Variants in BEND3 observed in about 807,000 individuals in gnomAD.
BEND3 encodes the protein BEN domain containing 3.
In BEND3, 13 loss-of-function variants were observed where a neutral mutation model predicts 60.1. The ratio of observed to expected loss-of-function variants is 0.22; its 90% CI spans 0.14 to 0.34. BEND3 has a LOEUF of 0.34. Ranked by LOEUF, BEND3 falls within the 10% of genes least tolerant of loss-of-function variation. The pLI is 1.00. For synonymous variants in BEND3, 497 were observed against 491.5 expected (o/e 1.01, Z -0.15); for missense variants, 896 against 1,138.1 (o/e 0.79, Z 3.06).
intron 3 of BEND3, among the ~76,000 whole-genome samples, chr6:107,080,389 AAAAAGAAAAAAAGAAAAG>A (rs1775206783): frequency 1.4e-5 from 2 of 147,296 alleles, no homozygotes; most frequent in South Asian, 4.2e-4. Flanking sequence ...AAAAAACAGG[AAAAAGAAAAAAAGAAAAG>A]AAAAGAAAAA....
Position 107,069,553 on chromosome 6 carries a change from G to A in BEND3, c.1638C>T (p.Phe546=), listed in dbSNP as rs781914163. 128 of 1,613,084 alleles carry A rather than the reference G, an allele frequency of 7.9e-5. No homozygotes were observed. Among genetic ancestry groups the A allele is most frequent in the Middle Eastern group, 3.3e-4 (2 of 6,084 alleles). Reference sequence around the variant, plus strand: ...GCAGGCAGTCGGCACCGGGCACCTCGAAGTCAGGCTGGGGGATCTCTAACT... The same window carrying A: ...GCAGGCAGTCGGCACCGGGCACCTCAAAGTCAGGCTGGGGGATCTCTAACT... The part of the protein sequence containing the change: ...FDKLEIPQPD[F]EVPGADCLLS... The change falls in exon 4 of 4, where the codon TTC becomes TTT. Residue 546 remains phenylalanine (F), a synonymous_variant. Transcript: ENST00000369042.
chr6:107,097,720 G>A (rs1348831072), intron 3 of BEND3, among the ~76,000 whole-genome samples: 1 of 142,498 alleles, frequency 7.0e-6, no homozygotes, highest in Non-Finnish European at 1.5e-5. Flanking sequence ...AACCTAGGAG[G>A]CAGAGGTTGC....
intron 1 of BEND3, among the ~76,000 whole-genome samples, chr6:107,101,799 C>A (rs1327820109): frequency 6.6e-6 from 1 of 152,156 alleles, no homozygotes; most frequent in African/African-American, 2.4e-5. Context: ...GGATTCCCAG[C>A]CTGGTAGGAG....
chr6:107,092,254 C>CA (rs34817923), intron 3 of BEND3, among the ~76,000 whole-genome samples: 13,501 of 140,116 alleles, frequency 0.096, 744 homozygotes, highest in Middle Eastern at 0.21. Flanking sequence ...GACTCTGTCT[C>CA]AAAAAAAAAA....
In BEND3 at chr6:107,069,654, C is replaced by T; in HGVS notation, c.1537G>A (p.Val513Met). The T allele has an allele frequency of 6.2e-7, 1 of 1,610,154 alleles. No homozygotes were observed. The highest frequency in any genetic ancestry group is 8.5e-7 in the Non-Finnish European group (1 of 1,180,014). Residue 513 changes from valine to methionine, a missense_variant, in exon 4 of 4, where the codon GTG (valine) becomes ATG (methionine). By Grantham distance (21) the Val-to-Met change is conservative. Around this residue, in one of 4 missense-constraint regions of BEND3, gnomAD observed 846 missense variants for 1,036.7 expected, o/e 0.82. Coordinates refer to ENST00000369042, the MANE Select transcript of BEND3 (RefSeq NM_001367314.1). ...CGCTCGCCCTCGAAGCTGTCCTCCACCTTGACCACTGAGATGTCGTCGGGC... is the reference window on the plus strand; with the variant it reads ...CGCTCGCCCTCGAAGCTGTCCTCCATCTTGACCACTGAGATGTCGTCGGGC... The part of the protein sequence containing the change: ...SLPDDISVVK[V>M]EDSFEGERPG...
At chr6:107,076,646 T>C (rs1412589614) in intron 3 of BEND3, among the ~76,000 whole-genome samples, 1 of 152,038 alleles carries the variant, frequency 6.6e-6, no homozygotes, top group African/African-American at 2.4e-5. Flanking sequence ...TTTAGTTCAA[T>C]GAATGAGTGG....
chr6:107,065,878 C>T lies in BEND3; in HGVS notation c.*2826G>A, dbSNP rs1253615187. ...GCACGCTAGCGCAAATGACACCAGA[C>T]ACGACTTTATTCCCTGTCAAACATT... On this transcript the variant is annotated 3_prime_UTR_variant, in exon 4 of 4. Coordinates refer to ENST00000369042, the MANE Select transcript of BEND3 (RefSeq NM_001367314.1). 10 of 152,322 alleles carry T rather than the reference C, an allele frequency of 6.6e-5. No individual in the cohort carries two copies. The highest frequency in any genetic ancestry group is 2.4e-4 in the African/African-American group (10 of 41,442). 9.4% of individuals were successfully genotyped at this position (152,322 alleles called of 1,614,324 possible). A position where few individuals can be genotyped will look rare whatever the true frequency, so the allele number is the denominator to read the frequency against.
intron 1 of BEND3, among the ~76,000 whole-genome samples, chr6:107,106,354 C>G (rs1370627206): frequency 6.6e-6 from 1 of 152,172 alleles, no homozygotes; most frequent in Non-Finnish European, 1.5e-5. Flanking sequence ...TCAGGAGACT[C>G]CCGGCATGAG....
intron 1 of BEND3, among the ~76,000 whole-genome samples, chr6:107,108,270 C>A (rs1465508465): frequency 6.6e-6 from 1 of 152,180 alleles, no homozygotes; most frequent in African/African-American, 2.4e-5. Flanking sequence ...TGGTCACTTG[C>A]GTCTTCTGAG....
At chr6:107,108,250 T>C (rs1554237816) in intron 1 of BEND3, among the ~76,000 whole-genome samples, 1 of 152,150 alleles carries the variant, frequency 6.6e-6, no homozygotes, top group East Asian at 1.9e-4. Context: ...TGATTTGGCG[T>C]CTTAATCTTT....
At chr6:107,110,821 C>T (rs1263462526) in intron 1 of BEND3, among the ~76,000 whole-genome samples, 5 of 151,572 alleles carry the variant, frequency 3.3e-5, no homozygotes, top group African/African-American at 1.2e-4. Flanking sequence ...TCCCAAAATG[C>T]TGGGACTACA....
chr6:107,111,484 C>G (rs1319433794), intron 1 of BEND3, among the ~76,000 whole-genome samples: 1 of 149,982 alleles, frequency 6.7e-6, no homozygotes, highest in African/African-American at 2.5e-5. Flanking sequence ...GCATTCTAGC[C>G]TGGGTGACAG....
rs370245100 is a variant in BEND3 at position 107,069,472 on chromosome 6, G to C, written c.1719C>G (p.Phe573Leu). The part of the protein sequence containing the change: ...IYESSLSIGN[F>L]ASRLLVHLFP... ...ACAGGTGCACCAGCAGGCGCGAGGCGAAGTTGCCGATGGACAGGCTGCTCT... is the reference window on the plus strand; with the variant it reads ...ACAGGTGCACCAGCAGGCGCGAGGCCAAGTTGCCGATGGACAGGCTGCTCT... Residue 573 changes from phenylalanine to leucine, a missense_variant, in exon 4 of 4, where the codon TTC becomes TTG. Coordinates refer to ENST00000369042, the MANE Select transcript of BEND3 (RefSeq NM_001367314.1). The C allele has an allele frequency of 1.2e-6, 2 of 1,612,680 alleles. No homozygotes were observed. Among genetic ancestry groups the C allele is most frequent in the South Asian group, 2.2e-5 (2 of 91,072 alleles).
rs72935777 is a variant in BEND3 at position 107,102,283 on chromosome 6, G to A, written c.-11-2987C>T. 1.1e-3 allele frequency among the ~76,000 whole-genome samples: 170 copies of A among 152,302 alleles called. 1 individual carries two copies. Among genetic ancestry groups the A allele is most frequent in the Admixed American group, 1.9e-3 (29 of 15,298 alleles). Reference sequence around the variant, plus strand: ...TCCAGGCTGCCACATGGAGCCTGCCGGGAATGTGGCTTGGTGAGCAGAAAA... The same window carrying A: ...TCCAGGCTGCCACATGGAGCCTGCCAGGAATGTGGCTTGGTGAGCAGAAAA... On this transcript the variant is annotated intron_variant, in intron 1 of 3. Coordinates refer to ENST00000369042, the MANE Select transcript of BEND3 (RefSeq NM_001367314.1).
intron 3 of BEND3, among the ~76,000 whole-genome samples, chr6:107,096,988 C>A (rs1276802436): frequency 6.6e-6 from 1 of 151,314 alleles, no homozygotes; most frequent in Non-Finnish European, 1.5e-5. Context: ...CTGTCTCAGA[C>A]AAAAACAAAC....
chr6:107,100,239 C>A (rs533404709), intron 1 of BEND3, among the ~76,000 whole-genome samples: 1 of 152,104 alleles, frequency 6.6e-6, no homozygotes, highest in South Asian at 2.1e-4. Context: ...AAATACAATA[C>A]TTTATTTCAT....
intron 3 of BEND3, among the ~76,000 whole-genome samples, chr6:107,094,464 A>G (rs1202631912): frequency 4.6e-5 from 7 of 151,932 alleles, no homozygotes; most frequent in Admixed American, 1.3e-4. Flanking sequence ...TCTGCTTAAA[A>G]TACAAAATTA....
Position 107,068,708 on chromosome 6 carries a change from T to C in BEND3, c.2483A>G (p.Lys828Arg), listed in dbSNP as rs1554231227. The C allele has an allele frequency of 6.2e-7, 1 of 1,612,678 alleles. No homozygotes were observed. The highest frequency in any genetic ancestry group is 2.2e-5 in the East Asian group (1 of 44,894). The change falls in exon 4 of 4, where the codon AAG becomes AGG. Residue 828 changes from lysine to arginine, a missense_variant. By Grantham distance (26) the Lys-to-Arg change is conservative. Transcript: ENST00000369042. This position sits in a 1 kb window ranked among gnomAD's most constrained non-coding sequence, Gnocchi z 5.8. ...CTCTGGGCAGGTCACGGGCCTTCAC[T>C]TCTCCACTTTCTTTGCTTTCTTGAG... ...DILKKAKKVEK is the reference protein window; with the variant it reads ...DILKKAKKVER
chr6:107,099,672 G>A (rs1775664553), intron 1 of BEND3, among the ~76,000 whole-genome samples: 1 of 152,124 alleles, frequency 6.6e-6, no homozygotes, highest in Non-Finnish European at 1.5e-5. Flanking sequence ...TAGGCTGAAG[G>A]ATGGGGGCCA....
Sources: allele counts gnomAD v4.1 joint callset (sites outside exome capture counted in the v4.1 genomes callset), GRCh38; gene constraint gnomAD v4.1.1; regional missense constraint gnomAD v4.1.1; non-coding constraint Gnocchi (gnomAD v3.1); transcripts MANE v1.5; gene names NCBI Gene and HGNC (gene_info 2026-07-23, HGNC 2026-07-21).